The following FAM117A variants were observed in gnomAD, a reference collection of about 807,000 sequenced individuals.
FAM117A encodes the protein protein FAM117A.
FAM117A carries 21 observed loss-of-function variants against 44.1 expected under a neutral mutation model. The observed-to-expected ratio is 0.48, with a 90% confidence interval of 0.34 to 0.69. The LOEUF is 0.69. FAM117A is among the 30% of genes least tolerant of loss of function. The probability of loss-of-function intolerance (pLI) is 0.01; values close to 1 mark genes in which losing one functional copy is unlikely to be tolerated. For synonymous variants in FAM117A, 220 were observed against 238.3 expected (o/e 0.92, Z 0.71); for missense variants, 498 against 589.9 (o/e 0.84, Z 1.61).
At chr17:49,781,521 C>G (rs1266364676) in intron 1 of FAM117A, among the ~76,000 whole-genome samples, 1 of 152,204 alleles carries the variant, frequency 6.6e-6, no homozygotes, top group Non-Finnish European at 1.5e-5. Flanking sequence ...CATGCAGACA[C>G]TCACTGCAGC....
intron 1 of FAM117A, among the ~76,000 whole-genome samples, chr17:49,758,731 C>T (rs1310469694): frequency 6.6e-6 from 1 of 151,938 alleles, no homozygotes; most frequent in African/African-American, 2.4e-5. Flanking sequence ...CCAGGCAGGT[C>T]TAGTCAGAAC....
chr17:49,765,261 A>AT (rs2073742058), upstream of FAM117A, among the ~76,000 whole-genome samples: 1 of 152,226 alleles, frequency 6.6e-6, no homozygotes, highest in Non-Finnish European at 1.5e-5. Context: ...ATTGTCTGTG[A>AT]TTGGGGACCA....
chr17:49,788,725 T>C (rs1052367843), upstream of FAM117A: 21 of 1,217,192 alleles, frequency 1.7e-5, no homozygotes, highest in Non-Finnish European at 2.3e-5. Flanking sequence ...CTAGGGATCG[T>C]CCGCAGGATT....
chr17:49,746,953 T>A (rs1326519402), intron 1 of FAM117A, among the ~76,000 whole-genome samples: 1 of 152,058 alleles, frequency 6.6e-6, no homozygotes, highest in Non-Finnish European at 1.5e-5. Context: ...CAGGAAGAGA[T>A]CATTACACGT....
At chr17:49,758,638 A>AAAAAAAAAT (rs2073709295) in intron 1 of FAM117A, among the ~76,000 whole-genome samples, 1 of 135,186 alleles carries the variant, frequency 7.4e-6, no homozygotes, top group East Asian at 2.3e-4. Context: ...AAAAAAAAAT[A>AAAAAAAAAT]AAATAAATAA....
rs989450930 is a variant in FAM117A at position 49,710,863 on chromosome 17, G to A, written c.*392C>T. On this transcript the variant is annotated 3_prime_UTR_variant, in exon 8 of 8. Transcript: ENST00000240364. ...CTATCTTATGGTCTCCTGGAGGAGA[G>A]GGAAGGAAATCTGTGGCGTCTTCTC... The A allele has an allele frequency of 1.2e-5, 2 of 169,762 alleles. No individual in the cohort carries two copies. The highest frequency in any genetic ancestry group is 4.8e-5 in the African/African-American group (2 of 41,806). 10.5% of individuals were successfully genotyped at this position (169,762 alleles called of 1,614,324 possible). A position where few individuals can be genotyped will look rare whatever the true frequency, so the allele number is the denominator to read the frequency against.
chr17:49,714,641 C>G (rs1207492837), intron 7 of FAM117A, among the ~76,000 whole-genome samples: 1 of 151,240 alleles, frequency 6.6e-6, no homozygotes, highest in Non-Finnish European at 1.5e-5. Flanking sequence ...CCCAGCTGAT[C>G]ACCACTTCCT....
At chr17:49,787,591 G>A (rs2073821904) in intron 1 of FAM117A, among the ~76,000 whole-genome samples, 1 of 152,152 alleles carries the variant, frequency 6.6e-6, no homozygotes, top group South Asian at 2.1e-4. Flanking sequence ...TTTGAAATTG[G>A]GGTTCGGGAT....
At chr17:49,744,651 A>C (rs1169071971) in intron 1 of FAM117A, among the ~76,000 whole-genome samples, 1 of 151,846 alleles carries the variant, frequency 6.6e-6, no homozygotes, top group East Asian at 1.9e-4. Context: ...TCTCTAGATT[A>C]CTTATAATAC....
intron 1 of FAM117A, among the ~76,000 whole-genome samples, chr17:49,784,746 C>T (rs374079310): frequency 9.2e-5 from 14 of 152,302 alleles, no homozygotes; most frequent in African/African-American, 3.4e-4. Flanking sequence ...ACTTCTGAAC[C>T]TTGCTTATCT....
At chr17:49,765,500 A>G (rs764571276), upstream of FAM117A, 2 of 152,260 alleles carry the variant, frequency 1.3e-5, no homozygotes, top group Non-Finnish European at 2.9e-5. Context: ...GATAATACCC[A>G]AAGTGGAAAT....
upstream of FAM117A, among the ~76,000 whole-genome samples, chr17:49,764,772 C>T (rs748068655): frequency 2.6e-5 from 4 of 152,172 alleles, no homozygotes; most frequent in Non-Finnish European, 4.4e-5. Context: ...TATTTAATGG[C>T]GACCTTGCCT....
At chr17:49,730,009 C>T (rs146975278) in intron 2 of FAM117A, among the ~76,000 whole-genome samples, 1 of 152,262 alleles carries the variant, frequency 6.6e-6, no homozygotes, top group Non-Finnish European at 1.5e-5. Flanking sequence ...AGCCTCAGAC[C>T]TCCACAGTGT....
chr17:49,782,376 C>CAAAA (rs1193854249), intron 1 of FAM117A, among the ~76,000 whole-genome samples: 8 of 18,078 alleles, frequency 4.4e-4, no homozygotes, highest in African/African-American at 5.7e-4. Flanking sequence ...GACTCCGTCT[C>CAAAA]AAAAAAAAAA....
At position 49,774,290 on chromosome 17, in the gene FAM117A, A is replaced by G. The variant is rs189535713; in HGVS notation, c.-621+14207T>C. Among the ~76,000 whole-genome samples, 557 of 151,738 alleles carry G rather than the reference A, an allele frequency of 3.7e-3. 4 individuals are homozygous for G. The highest frequency in any genetic ancestry group is 6.3e-3 in the Non-Finnish European group (426 of 67,970). ...CAGCCTCCGGAGTAGCTGGGACTAC[A>G]GGCAGTCGCCACACCTGGCTAATTT... On this transcript the variant is annotated intron_variant, in intron 1 of 7. Transcript: ENST00000513602.
intron 1 of FAM117A, among the ~76,000 whole-genome samples, chr17:49,741,718 T>C (rs2073635295): frequency 6.6e-6 from 1 of 152,196 alleles, no homozygotes; most frequent in African/African-American, 2.4e-5. Flanking sequence ...ATTTCCCCAA[T>C]AACAGGTTTG....
chr17:49,749,341 G>GC (rs1448059216), intron 1 of FAM117A, among the ~76,000 whole-genome samples: 13 of 152,060 alleles, frequency 8.5e-5, no homozygotes, highest in South Asian at 2.1e-4. Flanking sequence ...ACTTTGGGAG[G>GC]CAAGGTGGGC....
chr17:49,775,641 A>C (rs755585563), intron 1 of FAM117A, among the ~76,000 whole-genome samples: 7 of 152,186 alleles, frequency 4.6e-5, no homozygotes, highest in Admixed American at 2.0e-4. Flanking sequence ...TGTGTTGTGC[A>C]GCGGAAGGGC....
rs758052826 is a variant in FAM117A at position 49,717,555 on chromosome 17, G to A, written c.868C>T (p.Arg290Trp). The A allele has an allele frequency of 6.8e-6, 11 of 1,614,012 alleles. No homozygotes were observed. The highest frequency in any genetic ancestry group is 2.2e-5 in the East Asian group (1 of 44,886). The part of the protein sequence containing the change: ...PCGLASHEEH[R>W]GAAEELASTP... ...GATGCCAGCTCCTCGGCGGCACCCC[G>A]ATGTTCCTCATGACTGGCCAGGCCA... The change falls in exon 6 of 8, where the codon CGG (arginine) becomes TGG (tryptophan). Residue 290 changes from arginine to tryptophan, a missense_variant. Around this residue, in one of 3 missense-constraint regions of FAM117A, gnomAD observed 224 missense variants for 296.5 expected, o/e 0.76. Coordinates refer to ENST00000240364, the MANE Select transcript of FAM117A (RefSeq NM_030802.4).
Sources: allele counts gnomAD v4.1 joint callset (sites outside exome capture counted in the v4.1 genomes callset), GRCh38; gene constraint gnomAD v4.1.1; regional missense constraint gnomAD v4.1.1; transcripts MANE v1.5; gene names NCBI Gene and HGNC (gene_info 2026-07-23, HGNC 2026-07-21).